Variants in ERBIN observed in about 807,000 individuals in gnomAD.
ERBIN encodes erbb2 interacting protein.
In ERBIN, 60 loss-of-function variants were observed where a neutral mutation model predicts 158.4. The ratio of observed to expected loss-of-function variants is 0.38; its 90% CI spans 0.31 to 0.47. The LOEUF (loss-of-function observed/expected upper bound fraction) is 0.47, where lower values mean the gene tolerates loss of function less well. Among genes scored for constraint, ERBIN ranks in the 20% least tolerant of loss-of-function variants. ERBIN has a pLI of 0.99. For missense variants in ERBIN, 1,610 were observed against 1,648.0 expected (o/e 0.98, Z 0.40); for synonymous variants, 594 against 557.2 (o/e 1.07, Z -0.93).
chr5:66,065,833 G>C (rs1457947664), intron 21 of ERBIN, among the ~76,000 whole-genome samples: 1 of 152,076 alleles, frequency 6.6e-6, no homozygotes, highest in African/African-American at 2.4e-5. Context: ...CAATAAATAA[G>C]GTGAAGCCAC....
intron 4 of ERBIN, among the ~76,000 whole-genome samples, chr5:66,008,212 C>G (rs764602618): frequency 2.0e-4 from 30 of 152,106 alleles, no homozygotes; most frequent in Non-Finnish European, 3.8e-4. Context: ...GTCAGGAGAT[C>G]GAGACCATCC....
chr5:66,028,845 T>G (rs1756556190), intron 14 of ERBIN, among the ~76,000 whole-genome samples: 1 of 152,228 alleles, frequency 6.6e-6, no homozygotes, highest in Non-Finnish European at 1.5e-5. Context: ...ACTCTTAGTT[T>G]CTATGAGTTT....
At chr5:66,045,433 G>A (rs547362522) in intron 17 of ERBIN, among the ~76,000 whole-genome samples, 5 of 145,372 alleles carry the variant, frequency 3.4e-5, no homozygotes, top group African/African-American at 1.4e-4. Context: ...TATAGTATAT[G>A]TATATGTATA....
chr5:66,006,756 A>G (rs570576644), intron 4 of ERBIN, among the ~76,000 whole-genome samples: 1 of 152,292 alleles, frequency 6.6e-6, no homozygotes, highest in East Asian at 1.9e-4. Flanking sequence ...TCTCAAAAGA[A>G]GACACTTATG....
chr5:65,968,266 T>C (rs1480178593), intron 1 of ERBIN, among the ~76,000 whole-genome samples: 1 of 152,196 alleles, frequency 6.6e-6, no homozygotes, highest in Non-Finnish European at 1.5e-5. Context: ...GAGACCATTA[T>C]ACATTCTCTG....
chr5:65,946,404 A>T (rs768068327), intron 1 of ERBIN, among the ~76,000 whole-genome samples: 11 of 152,352 alleles, frequency 7.2e-5, no homozygotes, highest in Non-Finnish European at 1.3e-4. Context: ...GGAATCATAT[A>T]GTACATGACT....
intron 1 of ERBIN, among the ~76,000 whole-genome samples, chr5:65,949,997 AAT>A (rs777903965): frequency 3.3e-5 from 5 of 151,172 alleles, no homozygotes; most frequent in Admixed American, 6.6e-5. Context: ...TGCCCAGCCC[AAT>A]TTTCAGGTAT....
rs1762383090 is a variant in ERBIN, at chr5:66,081,492, A to C, written c.*2962A>C. 2.0e-5 allele frequency: 3 copies of C among 152,148 alleles called. No individual in the cohort carries two copies. Among genetic ancestry groups the C allele is most frequent in the Admixed American group, 2.0e-4 (3 of 15,278 alleles). The allele number at this position is 152,148 out of a possible 1,614,324, so 9.4% of individuals were successfully genotyped here. On this transcript the variant is annotated 3_prime_UTR_variant, in exon 26 of 26. Transcript: ENST00000284037. ...TTATCAACCAACATTTATTCATTCC[A>C]AATTTTTGTATATATCTAGATGAAG...
Position 66,075,052 on chromosome 5 carries a change from A to G in ERBIN, c.3785A>G (p.Gln1262Arg). The G allele has an allele frequency of 3.7e-6, 6 of 1,614,206 alleles. No individual in the cohort carries two copies. The highest frequency in any genetic ancestry group is 1.1e-5 in the South Asian group (1 of 91,086). ...KMPLSNGQMG[Q>R]PLRPQANYSQ... ...CCTTTGAGTAATGGACAGATGGGCCAGCCTCTCAGGCCTCAGGCAAATTAT... is the reference window on the plus strand; with the variant it reads ...CCTTTGAGTAATGGACAGATGGGCCGGCCTCTCAGGCCTCAGGCAAATTAT... Residue 1262 changes from glutamine to arginine, a missense_variant, in exon 23 of 26, where the codon CAG (glutamine) becomes CGG (arginine). Gln to Arg is a conservative substitution (Grantham distance 43). Around this residue, in one of 2 missense-constraint regions of ERBIN, gnomAD observed 1,014 missense variants for 936.1 expected, o/e 1.08. Transcript: ENST00000284037.
chr5:66,065,634 T>C, intron 21 of ERBIN, among the ~76,000 whole-genome samples: 1 of 149,170 alleles, frequency 6.7e-6, no homozygotes, highest in African/African-American at 2.5e-5. Context: ...TGTGTGTGTG[T>C]GTGTGTGTGT....
chr5:66,079,446 A>T lies in ERBIN; in HGVS notation c.*916A>T, dbSNP rs776725221. ...AGTGCTCCATTTAAATCTAATTTAT[A>T]ATTTTTATTTTAAGCAGCAAATGAA... is the stretch of plus-strand genomic sequence containing the variant. On this transcript the variant is annotated 3_prime_UTR_variant, in exon 26 of 26. Coordinates refer to ENST00000284037, the MANE Select transcript of ERBIN (RefSeq NM_001253697.2). 3.3e-5 allele frequency: 5 copies of T among 151,992 alleles called. No homozygotes were observed. Among genetic ancestry groups the T allele is most frequent in the Non-Finnish European group, 7.4e-5 (5 of 67,924 alleles). The allele number at this position is 151,992 out of a possible 1,614,324, so 9.4% of individuals were successfully genotyped here. A position where few individuals can be genotyped will look rare whatever the true frequency, so the allele number is the denominator to read the frequency against.
intron 1 of ERBIN, among the ~76,000 whole-genome samples, chr5:65,928,338 C>T (rs1301476726): frequency 1.3e-5 from 2 of 151,640 alleles, no homozygotes; most frequent in Non-Finnish European, 2.9e-5. Context: ...AAGTGCATAA[C>T]TCATCTACTT....
chr5:65,997,388 A>G (rs1752549526), intron 4 of ERBIN, among the ~76,000 whole-genome samples: 1 of 152,114 alleles, frequency 6.6e-6, no homozygotes, highest in Non-Finnish European at 1.5e-5. Flanking sequence ...TTGATGTGAT[A>G]TATCACTTTT....
rs1028042457 is a variant in ERBIN, at chr5:66,024,600, C to T, written c.817+150C>T. 25 of 660,870 alleles carry T rather than the reference C, an allele frequency of 3.8e-5. No homozygotes were observed. The African/African-American group carries it at 4.2e-4, about 11-fold the overall frequency. The allele number at this position is 660,870 out of a possible 1,614,324, so 40.9% of individuals were successfully genotyped here. A position where few individuals can be genotyped will look rare whatever the true frequency, so the allele number is the denominator to read the frequency against. ...ATTTTTCCTGGTGTGATCAGTTGTA[C>T]AGTTTGCTCCTTTGTTGACATTACT... On this transcript the variant is annotated intron_variant, in intron 10 of 25. Transcript: ENST00000284037.
chr5:65,977,956 TA>T (rs907425773), intron 1 of ERBIN, among the ~76,000 whole-genome samples: 3 of 26,344 alleles, frequency 1.1e-4, no homozygotes, highest in African/African-American at 2.5e-4. Flanking sequence ...GGGAGAGGGT[TA>T]GGGGAGAGGG....
intron 4 of ERBIN, among the ~76,000 whole-genome samples, chr5:66,005,076 A>AT (rs202234560): frequency 1.3e-5 from 2 of 151,370 alleles, no homozygotes; most frequent in Non-Finnish European, 2.9e-5. Flanking sequence ...TTTAAGTTTA[A>AT]TCTGTCTATA....
At chr5:65,939,595 G>C (rs1182499951) in intron 1 of ERBIN, among the ~76,000 whole-genome samples, 1 of 151,922 alleles carries the variant, frequency 6.6e-6, no homozygotes, top group African/African-American at 2.4e-5. Context: ...CACTGATGCC[G>C]AGCCGAAGCT....
At chr5:66,013,419 A>G (rs2151107725) in intron 5 of ERBIN, 130 bp from the exon 6 acceptor site, 2 of 694,180 alleles carry the variant, frequency 2.9e-6, no homozygotes, top group East Asian at 2.6e-5. Context: ...GGGCTCTCAT[A>G]AAAGTAGCCA....
chr5:65,992,676 A>G (rs774262755), intron 2 of ERBIN, 34 bp from the exon 3 acceptor site: 9 of 1,468,398 alleles, frequency 6.1e-6, no homozygotes, highest in Non-Finnish European at 7.4e-6. Flanking sequence ...TGTAATATGT[A>G]TGTTTTAAAT....
Sources: gnomAD v4.1 joint callset for allele counts (sites outside exome capture counted in the v4.1 genomes callset) on GRCh38, gnomAD v4.1.1 for gene constraint, gnomAD v4.1.1 regional missense constraint, MANE v1.5 for transcripts, NCBI Gene and HGNC (gene_info 2026-07-23, HGNC 2026-07-21) for gene names.